The following IFT172 variants were observed in gnomAD, a reference collection of about 807,000 sequenced individuals.
IFT172 encodes intraflagellar transport protein 172 homolog.
A neutral mutation model predicts 248.9 loss-of-function variants in IFT172; 164 were observed. That is an observed-to-expected ratio of 0.66 (90% confidence interval 0.58 to 0.75). The LOEUF is 0.75. Among genes scored for constraint, IFT172 ranks in the 30% least tolerant of loss-of-function variants. The pLI is 0.00. For synonymous variants in IFT172, 729 were observed against 791.6 expected (o/e 0.92, Z 1.33); for missense variants, 1,950 against 2,192.4 (o/e 0.89, Z 2.21).
At chr2:27,448,494 A>C (rs1245533474) in intron 40 of IFT172, among the ~76,000 whole-genome samples, 1 of 152,230 alleles carries the variant, frequency 6.6e-6, no homozygotes, top group Non-Finnish European at 1.5e-5. Context: ...GGAAGAAATA[A>C]CTTTCTTAGC....
chr2:27,487,361 T>C (rs930250759), intron 1 of IFT172, among the ~76,000 whole-genome samples: 1 of 152,178 alleles, frequency 6.6e-6, no homozygotes, highest in Admixed American at 6.5e-5. Flanking sequence ...ATTTTTTTAT[T>C]AAGTGAGGTA....
chr2:27,456,721 T>C, intron 29 of IFT172, 68 bp from the exon 30 acceptor site: 1 of 1,564,038 alleles, frequency 6.4e-7, no homozygotes, highest in Non-Finnish European at 8.7e-7. Flanking sequence ...TGACCTCGGC[T>C]TTGACAAGGA....
chr2:27,447,386 G>A, intron 42 of IFT172, 129 bp downstream of exon 42: 1 of 1,354,040 alleles, frequency 7.4e-7, no homozygotes, highest in East Asian at 2.3e-5. Context: ...AGACAGAAGA[G>A]AAGCTGAAAG....
At chr2:27,485,272 T>G (rs1292442237) in intron 2 of IFT172, 88 bp downstream of exon 2, 1 of 1,588,166 alleles carries the variant, frequency 6.3e-7, no homozygotes, top group East Asian at 2.2e-5. Flanking sequence ...CCATTTCCTA[T>G]GCTGATGGCT....
chr2:27,468,223 GAGA>G (rs1173933320), intron 16 of IFT172, among the ~76,000 whole-genome samples: 7 of 151,144 alleles, frequency 4.6e-5, no homozygotes, highest in Non-Finnish European at 8.8e-5. Flanking sequence ...CTAAGAAAAA[GAGA>G]AGATTTTTTT....
chr2:27,459,260 G>A, intron 25 of IFT172, 118 bp downstream of exon 25: 2 of 1,274,658 alleles, frequency 1.6e-6, no homozygotes, highest in South Asian at 2.9e-5. Flanking sequence ...AGGTGATGAT[G>A]CTGTTTGGAG....
chr2:27,451,797 CAAAA>C (rs1156716289), intron 35 of IFT172, among the ~76,000 whole-genome samples: 2 of 151,784 alleles, frequency 1.3e-5, no homozygotes, highest in Non-Finnish European at 2.9e-5. Flanking sequence ...AACAAACAAA[CAAAA>C]AAACCTCAAA....
At position 27,453,497 on chromosome 2, in the gene IFT172, C is replaced by T. The variant is rs775789572; in HGVS notation, c.3838G>A (p.Val1280Met). The change falls in exon 35 of 48, where the codon GTG (valine) becomes ATG (methionine). Residue 1280 changes from valine to methionine, a missense_variant. By Grantham distance (21) the Val-to-Met change is conservative (BLOSUM62 1). Transcript: ENST00000260570. ...KKGARGVEGF[V>M]EQARHWEQAG... ...TGCTCCCAGTGTCGAGCTTGTTCCA[C>T]AAATCCCTCCACACCCCTGTGGAGA... is the stretch of plus-strand genomic sequence containing the variant. The T allele has an allele frequency of 1.2e-5, 20 of 1,614,070 alleles. No homozygotes were observed. Among genetic ancestry groups the T allele is most frequent in the Non-Finnish European group, 1.7e-5 (20 of 1,180,032 alleles).
chr2:27,478,184 T>G, intron 10 of IFT172, 28 bp from the exon 11 acceptor site: 1 of 1,612,972 alleles, frequency 6.2e-7, no homozygotes, highest in Non-Finnish European at 8.5e-7. Flanking sequence ...GTGAGCCCCT[T>G]AGGCTTCCCC....
rs559998806 is a variant in IFT172, at chr2:27,451,658, C to G, written c.3952-1562G>C. Among the ~76,000 whole-genome samples, 12 of 152,226 alleles carry G rather than the reference C, an allele frequency of 7.9e-5. No homozygotes were observed. In the South Asian group the frequency reaches 2.5e-3, roughly 32 times the overall value. On this transcript the variant is annotated intron_variant, in intron 35 of 47. Coordinates refer to ENST00000260570, the MANE Select transcript of IFT172 (RefSeq NM_015662.3). The stretch of plus-strand genomic sequence containing the variant: ...GTGGGCACCTGTAGTCCCAGCTACT[C>G]AGGAGGCTGTGGCAGGAGAATGGCC...
rs781225823 is a variant in IFT172 at position 27,477,608 on chromosome 2, G to A, written c.1172C>T (p.Ala391Val). 7 of 1,605,770 alleles carry A rather than the reference G, an allele frequency of 4.4e-6. No homozygotes were observed. The highest frequency in any genetic ancestry group is 6.0e-6 in the Non-Finnish European group (7 of 1,172,476). Residue 391 changes from alanine (A) to valine (V), a missense_variant, in exon 12 of 48, where the codon GCC (alanine) becomes GTC (valine). By Grantham distance (64) the Ala-to-Val change is moderately conservative. Around this residue, in one of 3 missense-constraint regions of IFT172, gnomAD observed 1,166 missense variants for 1,254.1 expected, o/e 0.93. Transcript: ENST00000260570. ...CTCATTGCCACCAGATCCTTGCCAGGCTATCTGTAACGGGAGAAGACTTAA... is the reference window on the plus strand; with the variant it reads ...CTCATTGCCACCAGATCCTTGCCAGACTATCTGTAACGGGAGAAGACTTAA... Reference protein sequence around the residue: ...DLNTNRLSEIAWQGSGGNEKY... With the variant: ...DLNTNRLSEIVWQGSGGNEKY...
At chr2:27,475,680 A>G (rs1355909340) in intron 14 of IFT172, 1 of 152,102 alleles carries the variant, frequency 6.6e-6, no homozygotes, top group Non-Finnish European at 1.5e-5. Flanking sequence ...TTTTATCCCT[A>G]TTTTGTAGAT....
At position 27,476,741 on chromosome 2, in the gene IFT172, G is replaced by A. The variant is rs749454821; in HGVS notation, c.1326-15C>T. ...TAATACGAACACTGAAACATGAAGG[G>A]TGAGGTAAGGCAAAATGGGCTGAGG... On this transcript the variant is annotated splice_polypyrimidine_tract_variant and intron_variant, in intron 13 of 47. Coordinates refer to ENST00000260570, the MANE Select transcript of IFT172 (RefSeq NM_015662.3). 6.4e-7 allele frequency: 1 copy of A among 1,571,120 alleles called. No homozygotes were observed. Among genetic ancestry groups the A allele is most frequent in the Non-Finnish European group, 8.8e-7 (1 of 1,141,284 alleles).
rs1664950331 is a variant in IFT172 at position 27,445,222 on chromosome 2, C to A, written c.5068+74G>T. ...TGTCTTTTGTACCCTTTACTGAATC[C>A]TAGTAAAATTAAGTTTATTGATCCT... On this transcript the variant is annotated intron_variant, in intron 46 of 47. Coordinates refer to ENST00000260570, the MANE Select transcript of IFT172 (RefSeq NM_015662.3). This position sits in a 1 kb window ranked among gnomAD's most constrained non-coding sequence, Gnocchi z 4.4. The A allele has an allele frequency of 2.8e-5, 44 of 1,579,600 alleles. No individual in the cohort carries two copies. In the South Asian group the frequency reaches 5.1e-4, roughly 18 times the overall value.
Position 27,461,797 on chromosome 2 carries a change from G to A in IFT172, c.2155C>T (p.His719Tyr), listed in dbSNP as rs144645349. Residue 719 changes from histidine to tyrosine, a missense_variant, in exon 21 of 48, where the codon CAC (histidine) becomes TAC (tyrosine). This residue lies in a region of IFT172 where 1,166 missense variants were observed against 1,254.1 expected (regional missense o/e 0.93). Transcript: ENST00000260570. ...ACAGCGATACACTCATCCCAACGGT[G>A]TAGCTCCTGGTACATGCCCATGGCC... ...EEAMGMYQEL[H>Y]RWDECIAVAE... is the part of the protein sequence containing the mutation. The A allele has an allele frequency of 6.8e-5, 109 of 1,614,166 alleles. No individual in the cohort carries two copies. The East Asian group carries it at 2.4e-3, about 36-fold the overall frequency.
In IFT172 at chr2:27,485,308, T is replaced by C. The variant is rs936181617; in HGVS notation, c.183+52A>G. On this transcript the variant is annotated intron_variant, in intron 2 of 47. Coordinates refer to ENST00000260570, the MANE Select transcript of IFT172 (RefSeq NM_015662.3). ...AGAAGGCAGACTACGTCTTTCAAGT[T>C]GTGAGACCCCATCAATAGGTTAAAT... 4 of 1,609,834 alleles carry C rather than the reference T, an allele frequency of 2.5e-6. No individual in the cohort carries two copies. The African/African-American group carries it at 5.3e-5, about 22-fold the overall frequency.
chr2:27,483,620 T>C lies in IFT172; in HGVS notation c.442A>G (p.Ile148Val), dbSNP rs759861487. 3.0e-5 allele frequency: 49 copies of C among 1,614,192 alleles called. No individual in the cohort carries two copies. Among genetic ancestry groups the C allele is most frequent in the South Asian group, 1.6e-4 (15 of 91,088 alleles). Residue 148 changes from isoleucine (I) to valine (V), a missense_variant, in exon 6 of 48, where the codon ATC (isoleucine) becomes GTC (valine). Physicochemically the swap from Ile to Val is conservative, Grantham distance 29. This residue lies in a region of IFT172 where 1,166 missense variants were observed against 1,254.1 expected (regional missense o/e 0.93). Transcript: ENST00000260570. ...ACCACGTAAGACTCTGTCCCATAGA[T>C]GGTAGATGATTTATTAGTTTTGGTG... Reference protein sequence around the residue: ...ANTKTNKSSTIYGTESYVVSL... With the variant: ...ANTKTNKSSTVYGTESYVVSL...
In IFT172 at chr2:27,454,100, C is replaced by G; in HGVS notation, c.3593G>C (p.Ser1198Thr). The change falls in exon 33 of 48, where the codon AGT becomes ACT. Residue 1198 changes from serine (S) to threonine (T), a missense_variant. By Grantham distance (58) the Ser-to-Thr change is moderately conservative (BLOSUM62 1). Transcript: ENST00000260570. This position sits in a 1 kb window ranked among gnomAD's most constrained non-coding sequence, Gnocchi z 4.2. ...CTGTCCCACAAGCACCTCGGCGACA[C>G]TGTCAGGGTCGTGAGCCTCAGCCAC... ...QRVAEAHDPD[S>T]VAEVLVGQAR... 6.2e-7 allele frequency: 1 copy of G among 1,614,094 alleles called. No individual in the cohort carries two copies. The highest frequency in any genetic ancestry group is 1.1e-5 in the South Asian group (1 of 91,082).
At chr2:27,466,878 T>C (rs1425047596) in intron 16 of IFT172, among the ~76,000 whole-genome samples, 1 of 151,484 alleles carries the variant, frequency 6.6e-6, no homozygotes, top group African/African-American at 2.4e-5. Context: ...TATCTGGGTG[T>C]GGTTGCATGT....
Sources: gnomAD v4.1 joint callset for allele counts (sites outside exome capture counted in the v4.1 genomes callset) on GRCh38, gnomAD v4.1.1 for gene constraint, gnomAD v4.1.1 regional missense constraint, Gnocchi (gnomAD v3.1) non-coding constraint, MANE v1.5 for transcripts, NCBI Gene and HGNC (gene_info 2026-07-23, HGNC 2026-07-21) for gene names.